Variants in PARP11 observed in about 807,000 individuals in gnomAD.
PARP11 encodes poly(ADP-ribose) polymerase family member 11.
A neutral mutation model predicts 42.9 loss-of-function variants in PARP11; 31 were observed. The observed-to-expected ratio is 0.72, with a 90% CI of 0.54 to 0.98. The LOEUF (loss-of-function observed/expected upper bound fraction) is 0.98. Ranked by LOEUF, PARP11 falls within the 50% of genes least tolerant of loss-of-function variation. PARP11 has a pLI of 0.00. For missense variants in PARP11, 365 were observed against 413.1 expected, an observed-to-expected ratio of 0.88 and a Z score of 1.01; for synonymous variants, 137 against 127.3, an observed-to-expected ratio of 1.08 and a Z score of -0.51.
rs958572526 is a variant in PARP11 at position 3,830,155 on chromosome 12, A to C, written c.19-137T>G. 7 of 672,948 alleles carry C rather than the reference A, an allele frequency of 1.0e-5. No homozygotes were observed. In the African/African-American group the frequency reaches 1.3e-4, roughly 12 times the overall value. The allele number at this position is 672,948 out of a possible 1,614,324, so 41.7% of individuals were successfully genotyped here. On this transcript the variant is annotated intron_variant, in intron 1 of 7. Transcript: ENST00000228820. ...CATGACACTTTAAAAACAGCTTTCT[A>C]TCTTTCATATTGGCTCTGAAGATAA...
chr12:3,859,389 C>G (rs1948256968), intron 1 of PARP11, among the ~76,000 whole-genome samples: 1 of 151,476 alleles, frequency 6.6e-6, no homozygotes, highest in Admixed American at 6.6e-5. Context: ...ACGGTGAAAC[C>G]CTGTCTCTAC....
rs537211256 is a variant in PARP11 at position 3,856,352 on chromosome 12, A to T, written c.18+16860T>A. Among the ~76,000 whole-genome samples, 290 of 152,336 alleles carry T rather than the reference A, an allele frequency of 1.9e-3. 1 individual carries two copies. The highest frequency in any genetic ancestry group is 6.4e-3 in the African/African-American group (265 of 41,564). On this transcript the variant is annotated intron_variant, in intron 1 of 7. Coordinates refer to ENST00000228820, the MANE Select transcript of PARP11 (RefSeq NM_020367.6). ...CAGGCAACCTACAGAATGGGAAAAAATTTTTGCAATCTACCCATCTGACAA... is the reference window on the plus strand; with the variant it reads ...CAGGCAACCTACAGAATGGGAAAAATTTTTTGCAATCTACCCATCTGACAA...
intron 4 of PARP11, among the ~76,000 whole-genome samples, chr12:3,823,357 T>C (rs1362551308): frequency 1.3e-5 from 2 of 152,226 alleles, no homozygotes; most frequent in Non-Finnish European, 2.9e-5. Flanking sequence ...GCCAAGCTTT[T>C]TGCTCACACA....
At chr12:3,841,018 C>T (rs2072387) in intron 1 of PARP11, 468,275 of 1,579,608 alleles carry the variant, frequency 0.3, 85,249 homozygotes, top group East Asian at 0.71. Flanking sequence ...AATTCCTGGT[C>T]GGTCAGTGAC....
At chr12:3,821,739 T>A (rs1195818820) in intron 6 of PARP11, 134 bp downstream of exon 6, 7 of 912,536 alleles carry the variant, frequency 7.7e-6, no homozygotes, top group Non-Finnish European at 1.2e-5. Flanking sequence ...TGAAGAGCCT[T>A]GAGACCAGGT....
intron 1 of PARP11, among the ~76,000 whole-genome samples, chr12:3,837,946 T>C (rs1320955795): frequency 6.6e-6 from 1 of 151,328 alleles, no homozygotes; most frequent in East Asian, 1.9e-4. Context: ...ATCTTAAGTA[T>C]ATAAAACAAA....
chr12:3,825,820 G>C (rs866935245), intron 4 of PARP11, among the ~76,000 whole-genome samples: 3 of 152,008 alleles, frequency 2.0e-5, no homozygotes, highest in Non-Finnish European at 4.4e-5. Context: ...TCCGCCTCAC[G>C]GGTTCACACC....
chr12:3,823,031 T>C lies in PARP11; in HGVS notation c.345-874A>G, dbSNP rs16930824. On this transcript the variant is annotated intron_variant, in intron 4 of 7. Transcript: ENST00000228820. ...TATCAGACATGTTCAAGCCACCCGA[T>C]GTGAATACAGAAAAACAGTGATGTT... Among the ~76,000 whole-genome samples, 404 of 152,296 alleles carry C rather than the reference T, an allele frequency of 2.7e-3. 1 individual carries two copies. Among genetic ancestry groups the C allele is most frequent in the African/African-American group, 9.3e-3 (386 of 41,562 alleles).
At chr12:3,831,615 G>C (rs1020660146) in intron 1 of PARP11, among the ~76,000 whole-genome samples, 4 of 151,942 alleles carry the variant, frequency 2.6e-5, no homozygotes, top group African/African-American at 7.3e-5. Flanking sequence ...TCAATGAAGG[G>C]GGTTTGTTAT....
At position 3,827,891 on chromosome 12, in the gene PARP11, T is replaced by C. The variant is rs572462141; in HGVS notation, c.268+1019A>G. Among the ~76,000 whole-genome samples the C allele has an allele frequency of 4.6e-5, 7 of 152,298 alleles. No homozygotes were observed. The East Asian group carries it at 1.2e-3, about 25-fold the overall frequency. ...AGAACAGCTAAAGGACCAAGCTGTG[T>C]AGCAAACAAAATGTACTTTTATTAA... On this transcript the variant is annotated intron_variant, in intron 3 of 7. Transcript: ENST00000228820.
intron 6 of PARP11, among the ~76,000 whole-genome samples, chr12:3,820,773 CTAAACTCAGT>C (rs1457407388): frequency 1.3e-5 from 2 of 152,168 alleles, no homozygotes; most frequent in Non-Finnish European, 2.9e-5. Context: ...ATTAAACTGT[CTAAACTCAGT>C]TAAACTCAGT....
chr12:3,840,965 C>A lies in PARP11; in HGVS notation c.19-10947G>T, dbSNP rs932575091. The A allele has an allele frequency of 3.5e-5, 57 of 1,607,298 alleles. No individual in the cohort carries two copies. Among genetic ancestry groups the A allele is most frequent in the African/African-American group, 8.0e-5 (6 of 74,786 alleles). On this transcript the variant is annotated intron_variant, in intron 1 of 7. Coordinates refer to ENST00000228820, the MANE Select transcript of PARP11 (RefSeq NM_020367.6). The surrounding 1 kb of genome is among the most constrained non-coding windows in gnomAD (Gnocchi z 4.4). ...TTACCAGCCACTGTGCCAGCCTGGC[C>A]AAGTGAACCTACAACTTTTGGACCA...
At chr12:3,828,533 G>A (rs1485580683) in intron 3 of PARP11, among the ~76,000 whole-genome samples, 1 of 138,914 alleles carries the variant, frequency 7.2e-6, no homozygotes, top group African/African-American at 2.7e-5. Flanking sequence ...GGGCAACACA[G>A]TGAGACGTCT....
rs776584439 is a variant in PARP11 at position 3,821,937 on chromosome 12, C to A, written c.484G>T (p.Asp162Tyr). The stretch of plus-strand genomic sequence containing the variant: ...TGAATTCTTTTAATTCGGTTGCGAT[C>A]CATCGTCTTCCCAAAGAGATTAGCA... Reference protein sequence around the residue: ...EVANLFGKTMDRNRIKRIQRI... With the variant: ...EVANLFGKTMYRNRIKRIQRI... The change falls in exon 6 of 8, where the codon GAT becomes TAT. Residue 162 changes from aspartate (D) to tyrosine (Y), a missense_variant. By Grantham distance (160) the Asp-to-Tyr change is radical. Coordinates refer to ENST00000228820, the MANE Select transcript of PARP11 (RefSeq NM_020367.6). 1 of 1,610,640 alleles carries A rather than the reference C, an allele frequency of 6.2e-7. No homozygotes were observed. The highest frequency in any genetic ancestry group is 1.1e-5 in the South Asian group (1 of 90,388).
At chr12:3,864,305 C>A (rs768950978) in intron 1 of PARP11, among the ~76,000 whole-genome samples, 40 of 152,032 alleles carry the variant, frequency 2.6e-4, no homozygotes, top group Non-Finnish European at 4.3e-4. Context: ...ATGTATTAAT[C>A]CTTTTATATA....
chr12:3,841,610 A>G (rs1470892212), intron 1 of PARP11: 1 of 1,613,182 alleles, frequency 6.2e-7, no homozygotes, highest in Non-Finnish European at 8.5e-7. Flanking sequence ...TACCAGGCTG[A>G]TCTTGAATCT....
rs1947864060 is a variant in PARP11, at chr12:3,840,535, CG to C, written c.19-10518del. 24 of 1,606,612 alleles carry C rather than the reference CG, an allele frequency of 1.5e-5. No homozygotes were observed. The highest frequency in any genetic ancestry group is 2.0e-5 in the Non-Finnish European group (24 of 1,173,166). On this transcript the variant is annotated intron_variant, in intron 1 of 7. Transcript: ENST00000228820. The surrounding 1 kb of genome is among the most constrained non-coding windows in gnomAD (Gnocchi z 4.4). ...CTCCAGTGAGCACAAAAATCTTAGC[CG>C]GACACCTTCACAGATCATAAGAAAA...
intron 1 of PARP11, among the ~76,000 whole-genome samples, chr12:3,837,561 A>C (rs1249975285): frequency 6.6e-6 from 1 of 152,234 alleles, no homozygotes; most frequent in African/African-American, 2.4e-5. Context: ...CAACCAGAAA[A>C]TAAGCAACAA....
chr12:3,838,735 A>C (rs2138065752), intron 1 of PARP11, among the ~76,000 whole-genome samples: 1 of 152,386 alleles, frequency 6.6e-6, no homozygotes, highest in African/African-American at 2.4e-5. Context: ...AAAAAAGAGA[A>C]GATCCAGGGG....
Sources: gnomAD v4.1 joint callset for allele counts (sites outside exome capture counted in the v4.1 genomes callset) on GRCh38, gnomAD v4.1.1 for gene constraint, Gnocchi (gnomAD v3.1) non-coding constraint, MANE v1.5 for transcripts, NCBI Gene and HGNC (gene_info 2026-07-23, HGNC 2026-07-21) for gene names.